Variants in RPS6KA2 observed in about 807,000 individuals in gnomAD.
RPS6KA2 encodes ribosomal protein S6 kinase A2.
A neutral mutation model predicts 91.8 loss-of-function variants in RPS6KA2; 42 were observed. That is an observed-to-expected ratio of 0.46 (90% confidence interval 0.36 to 0.59). The LOEUF is 0.59. RPS6KA2 is among the 20% of genes least tolerant of loss of function. RPS6KA2 has a pLI of 0.00. For missense variants in RPS6KA2, 798 were observed against 978.5 expected, an observed-to-expected ratio of 0.82 and a Z score of 2.46; for synonymous variants, 414 against 393.6, an observed-to-expected ratio of 1.05 and a Z score of -0.61.
intron 2 of RPS6KA2, among the ~76,000 whole-genome samples, chr6:166,660,399 T>C (rs9356507): frequency 0.049 from 5,569 of 112,774 alleles, 162 homozygotes; most frequent in East Asian, 0.11. Flanking sequence ...CATGCGTGCG[T>C]GTGTGTGTGT....
At chr6:166,529,432 G>A (rs1468554619) in intron 3 of RPS6KA2, among the ~76,000 whole-genome samples, 1 of 152,072 alleles carries the variant, frequency 6.6e-6, no homozygotes, top group Admixed American at 6.5e-5. Context: ...GGGGTGGAGG[G>A]ATGGGGGAGG....
At chr6:166,846,202 T>C (rs1332620301) in intron 2 of RPS6KA2, among the ~76,000 whole-genome samples, 1 of 144,016 alleles carries the variant, frequency 6.9e-6, no homozygotes, top group Non-Finnish European at 1.5e-5. Context: ...AGCAGCAAGA[T>C]TGAAGTGGTA....
intron 2 of RPS6KA2, among the ~76,000 whole-genome samples, chr6:166,797,307 ATGT>A (rs1370727640): frequency 1.5e-5 from 2 of 132,482 alleles, no homozygotes; most frequent in Non-Finnish European, 3.3e-5. Context: ...ATTTCCAGAA[ATGT>A]TTTTTTTTTT....
At chr6:166,734,424 G>A (rs1421319053) in intron 2 of RPS6KA2, among the ~76,000 whole-genome samples, 2 of 152,116 alleles carry the variant, frequency 1.3e-5, no homozygotes, top group Admixed American at 6.5e-5. Context: ...CCATATTCAG[G>A]TGCTAGGAAA....
intron 13 of RPS6KA2, among the ~76,000 whole-genome samples, chr6:166,450,227 G>A (rs551859558): frequency 6.9e-6 from 1 of 145,834 alleles, no homozygotes; most frequent in Non-Finnish European, 1.5e-5. Flanking sequence ...ACCACCACAG[G>A]AACCACCACG....
intron 12 of RPS6KA2, among the ~76,000 whole-genome samples, chr6:166,453,747 C>G (rs1779994244): frequency 6.6e-6 from 1 of 152,208 alleles, no homozygotes; most frequent in African/African-American, 2.4e-5. Context: ...GATACCCGCA[C>G]TTGGAAGCTT....
At chr6:166,714,405 C>T (rs1789953233) in intron 2 of RPS6KA2, among the ~76,000 whole-genome samples, 1 of 152,204 alleles carries the variant, frequency 6.6e-6, no homozygotes, top group Non-Finnish European at 1.5e-5. Context: ...TTACTGGTTC[C>T]TTATGGTTGA....
chr6:166,647,431 A>C (rs1417593182), intron 2 of RPS6KA2, among the ~76,000 whole-genome samples: 1 of 152,136 alleles, frequency 6.6e-6, no homozygotes, highest in African/African-American at 2.4e-5. Flanking sequence ...ATTCCTCCCC[A>C]ATCTGTCTGC....
chr6:166,796,362 G>A (rs975137857), intron 2 of RPS6KA2, among the ~76,000 whole-genome samples: 6 of 152,198 alleles, frequency 3.9e-5, no homozygotes, highest in Admixed American at 6.5e-5. Context: ...AGGCCGAGGC[G>A]GGCGGATCAC....
chr6:166,662,795 G>A lies in RPS6KA2; in HGVS notation c.124-124011C>T, dbSNP rs763465408. Among the ~76,000 whole-genome samples the A allele has an allele frequency of 6.6e-6, 1 of 152,190 alleles. No individual in the cohort carries two copies. The highest frequency in any genetic ancestry group is 1.5e-5 in the Non-Finnish European group (1 of 68,042). On this transcript the variant is annotated intron_variant, in intron 2 of 21. Coordinates refer to the RPS6KA2 transcript ENST00000503859. The surrounding 1 kb of genome is among the most constrained non-coding windows in gnomAD (Gnocchi z 4.3). ...CCTCTGGTACTTAGACTGTGACTGTGTGGAGAGAGGACCTTTCAAAGGGGA... is the reference window on the plus strand; with the variant it reads ...CCTCTGGTACTTAGACTGTGACTGTATGGAGAGAGGACCTTTCAAAGGGGA...
chr6:166,661,137 G>C (rs1788152176), intron 2 of RPS6KA2, among the ~76,000 whole-genome samples: 1 of 151,902 alleles, frequency 6.6e-6, no homozygotes, highest in African/African-American at 2.4e-5. Context: ...CTCTCGCTCT[G>C]TCGCCCAGCC....
rs183620861 is a variant in RPS6KA2, at chr6:166,419,670, G to T, written c.1820+212C>A. On this transcript the variant is annotated intron_variant, in intron 18 of 20. Transcript: ENST00000265678. This position sits in a 1 kb window ranked among gnomAD's most constrained non-coding sequence, Gnocchi z 5.6. ...CATGAGCTGAGTTTAAAGAAAATGG[G>T]TGGCTACATTTCTTGTCCTTGTTGT... Among the ~76,000 whole-genome samples, 2 of 152,370 alleles carry T rather than the reference G, an allele frequency of 1.3e-5. No individual in the cohort carries two copies. Among genetic ancestry groups the T allele is most frequent in the African/African-American group, 4.8e-5 (2 of 41,590 alleles).
chr6:166,586,153 A>G (rs1330979947), intron 1 of RPS6KA2: 3 of 1,551,320 alleles, frequency 1.9e-6, no homozygotes, highest in Non-Finnish European at 2.6e-6. Context: ...CGCTGGTTGT[A>G]ACCATAATGT....
At chr6:166,831,780 A>G (rs1193528360) in intron 2 of RPS6KA2, among the ~76,000 whole-genome samples, 1 of 146,086 alleles carries the variant, frequency 6.8e-6, no homozygotes. Flanking sequence ...TACTAGATAG[A>G]TGATAGATAC....
intron 2 of RPS6KA2, among the ~76,000 whole-genome samples, chr6:166,842,417 G>A (rs1184883872): frequency 6.6e-6 from 1 of 152,230 alleles, no homozygotes; most frequent in Non-Finnish European, 1.5e-5. Flanking sequence ...GAGGTCACCA[G>A]CAAAGCACAG....
chr6:166,808,188 ACTC>A (rs918575688), intron 2 of RPS6KA2, among the ~76,000 whole-genome samples: 3 of 151,834 alleles, frequency 2.0e-5, no homozygotes, highest in Non-Finnish European at 4.4e-5. Context: ...GACACACACC[ACTC>A]CTCAGGGAGC....
intron 1 of RPS6KA2, among the ~76,000 whole-genome samples, chr6:166,550,970 T>TG (rs1466632693): frequency 2.4e-4 from 30 of 122,592 alleles, no homozygotes; most frequent in East Asian, 1.1e-3. Context: ...CACTCCAGCC[T>TG]GGCAACAGAG....
chr6:166,616,193 G>A (rs1332678474), intron 1 of RPS6KA2, among the ~76,000 whole-genome samples: 2 of 152,184 alleles, frequency 1.3e-5, no homozygotes, highest in Non-Finnish European at 2.9e-5. Context: ...GTCAGACCCT[G>A]TAAGGCAGAT....
chr6:166,828,322 C>T (rs1780096480), intron 2 of RPS6KA2, among the ~76,000 whole-genome samples: 1 of 152,190 alleles, frequency 6.6e-6, no homozygotes, highest in Non-Finnish European at 1.5e-5. Flanking sequence ...TCCCCTTCCT[C>T]CCCAACTCCA....
Sources: gnomAD v4.1 joint callset for allele counts (sites outside exome capture counted in the v4.1 genomes callset) on GRCh38, gnomAD v4.1.1 for gene constraint, Gnocchi (gnomAD v3.1) non-coding constraint, MANE v1.5 for transcripts, NCBI Gene and HGNC (gene_info 2026-07-23, HGNC 2026-07-21) for gene names.